The following CMSS1 variants were observed in gnomAD, a reference collection of about 807,000 sequenced individuals.
CMSS1 encodes the protein protein CMSS1.
In CMSS1, 33 loss-of-function variants were observed where a neutral mutation model predicts 43.5. The observed-to-expected ratio is 0.76, with a 90% CI of 0.57 to 1.01. CMSS1 has a LOEUF of 1.01. Among genes scored for constraint, CMSS1 ranks in the 50% least tolerant of loss-of-function variants. The probability of loss-of-function intolerance (pLI) is 0.00; values close to 1 mark genes in which losing one functional copy is unlikely to be tolerated. For missense variants in CMSS1, 313 were observed against 326.4 expected, an observed-to-expected ratio of 0.96 and a Z score of 0.32; for synonymous variants, 115 against 117.2, an observed-to-expected ratio of 0.98 and a Z score of 0.12.
intron 1 of CMSS1, among the ~76,000 whole-genome samples, chr3:100,124,656 A>G (rs567144019): frequency 4.6e-5 from 7 of 152,246 alleles, no homozygotes; most frequent in African/African-American, 1.7e-4. Flanking sequence ...TTGAACATCA[A>G]GGACATCCTA....
At chr3:99,972,657 C>G (rs1022830128) in intron 1 of CMSS1, among the ~76,000 whole-genome samples, 6 of 152,118 alleles carry the variant, frequency 3.9e-5, no homozygotes, top group African/African-American at 1.2e-4. Context: ...ATGTCACCAC[C>G]CTGTTGGGAA....
chr3:99,919,715 A>C (rs1299824463), intron 1 of CMSS1, among the ~76,000 whole-genome samples: 2 of 152,082 alleles, frequency 1.3e-5, no homozygotes, highest in Non-Finnish European at 2.9e-5. Context: ...TGCAGTCTGG[A>C]AAAATAGGCC....
chr3:100,048,040 G>C (rs1003466708), intron 1 of CMSS1, among the ~76,000 whole-genome samples: 8 of 152,138 alleles, frequency 5.3e-5, no homozygotes, highest in Non-Finnish European at 1.2e-4. Flanking sequence ...GTTTAAATTA[G>C]TAGTAAGGGA....
intron 1 of CMSS1, among the ~76,000 whole-genome samples, chr3:100,068,571 T>C (rs1327389712): frequency 6.6e-6 from 1 of 152,202 alleles, no homozygotes; most frequent in Non-Finnish European, 1.5e-5. Flanking sequence ...ATATAATACA[T>C]AGTATATGTA....
chr3:100,039,528 T>C (rs2065165322), intron 1 of CMSS1, among the ~76,000 whole-genome samples: 1 of 152,158 alleles, frequency 6.6e-6, no homozygotes, highest in African/African-American at 2.4e-5. Flanking sequence ...TTCAGTCTTA[T>C]AATATGCGGG....
chr3:99,952,502 G>A (rs1708206920), intron 1 of CMSS1, among the ~76,000 whole-genome samples: 1 of 152,120 alleles, frequency 6.6e-6, no homozygotes, highest in Non-Finnish European at 1.5e-5. Flanking sequence ...TTCATTCATG[G>A]TTGGCTTAGT....
At chr3:100,171,977 T>G in intron 7 of CMSS1, 78 bp downstream of exon 7, 1 of 1,038,048 alleles carries the variant, frequency 9.6e-7, no homozygotes, top group Non-Finnish European at 1.5e-6. Context: ...TCTCCTAATC[T>G]CCTTAGCACA....
intron 1 of CMSS1, among the ~76,000 whole-genome samples, chr3:99,905,670 A>C (rs1229331116): frequency 4.6e-5 from 7 of 152,196 alleles, no homozygotes; most frequent in Non-Finnish European, 1.0e-4. Flanking sequence ...CAACTCTGCC[A>C]CTAGCCTCCT....
chr3:100,007,015 C>T (rs1470973799), intron 1 of CMSS1, among the ~76,000 whole-genome samples: 1 of 152,176 alleles, frequency 6.6e-6, no homozygotes, highest in Non-Finnish European at 1.5e-5. Flanking sequence ...TCTTTCATTA[C>T]TTACTGGCTT....
intron 1 of CMSS1, among the ~76,000 whole-genome samples, chr3:99,924,021 C>T (rs1449359511): frequency 6.6e-6 from 1 of 152,220 alleles, no homozygotes; most frequent in Non-Finnish European, 1.5e-5. Flanking sequence ...AGGGGCCTAA[C>T]ATTTATGGTT....
intron 1 of CMSS1, among the ~76,000 whole-genome samples, chr3:99,982,183 T>G (rs1709143655): frequency 6.6e-6 from 1 of 152,080 alleles, no homozygotes; most frequent in Non-Finnish European, 1.5e-5. Flanking sequence ...TTAGTATATG[T>G]TTTTTTAATA....
chr3:99,983,446 GTATATATATATATGTGTGTATATATATA>G lies in CMSS1; in HGVS notation c.65-163513_65-163486del, dbSNP rs1193776858. 3.4e-5 allele frequency among the ~76,000 whole-genome samples: 3 copies of G among 87,810 alleles called. No homozygotes were observed. The East Asian group carries it at 7.4e-4, about 22-fold the overall frequency. 57.6% of individuals were successfully genotyped at this position (87,810 alleles called of 152,430 possible). ...TATGTATGTATGTATATATATGTAT[GTATATATATATATGTGTGTATATATATA>G]TATATATATATATATATATATATAT... On this transcript the variant is annotated intron_variant, in intron 1 of 9. Coordinates refer to ENST00000421999, the MANE Select transcript of CMSS1 (RefSeq NM_032359.4).
chr3:100,110,432 A>G (rs146398297), intron 1 of CMSS1, among the ~76,000 whole-genome samples: 12 of 152,182 alleles, frequency 7.9e-5, no homozygotes, highest in Middle Eastern at 3.4e-3. Context: ...CTGCATTCCA[A>G]TTTCCTAGTC....
chr3:99,999,418 G>A (rs550844188), intron 1 of CMSS1, among the ~76,000 whole-genome samples: 1 of 152,332 alleles, frequency 6.6e-6, no homozygotes, highest in South Asian at 2.1e-4. Flanking sequence ...GGATGGATGG[G>A]TGGGTGAGTG....
intron 1 of CMSS1, among the ~76,000 whole-genome samples, chr3:100,121,790 G>A (rs2066623849): frequency 1.3e-5 from 2 of 152,266 alleles, no homozygotes; most frequent in East Asian, 1.9e-4. Context: ...GGCCCCTGGT[G>A]TCACCTCAAT....
At position 100,150,206 on chromosome 3, in the gene CMSS1, C is replaced by T. The variant is rs1228070912; in HGVS notation, c.153+3145C>T. 2.6e-5 allele frequency among the ~76,000 whole-genome samples: 4 copies of T among 152,170 alleles called. No individual in the cohort carries two copies. In the East Asian group the frequency reaches 7.7e-4, roughly 29 times the overall value. On this transcript the variant is annotated intron_variant, in intron 2 of 9. Coordinates refer to ENST00000421999, the MANE Select transcript of CMSS1 (RefSeq NM_032359.4). ...GTTTACACGCATAGAACTTGAGTCT[C>T]CAGCTGGTTCGTAAGTCCCTTGGGG...
chr3:99,906,852 C>T (rs955807493), intron 1 of CMSS1, among the ~76,000 whole-genome samples: 2 of 152,138 alleles, frequency 1.3e-5, no homozygotes, highest in African/African-American at 4.8e-5. Context: ...TTGCCATTTT[C>T]CCCACCCATG....
intron 7 of CMSS1, 67 bp from the exon 8 acceptor site, chr3:100,172,249 T>C: frequency 7.3e-7 from 1 of 1,362,220 alleles, no homozygotes; most frequent in East Asian, 2.3e-5. Context: ...TAAAATGTTC[T>C]AAATTGGTGT....
intron 1 of CMSS1, among the ~76,000 whole-genome samples, chr3:99,984,947 A>T (rs1709287195): frequency 6.6e-6 from 1 of 152,190 alleles, no homozygotes; most frequent in South Asian, 2.1e-4. Context: ...TAAACTGAGG[A>T]TATTGCTCTT....
Sources: allele counts gnomAD v4.1 joint callset (sites outside exome capture counted in the v4.1 genomes callset), GRCh38; gene constraint gnomAD v4.1.1; transcripts MANE v1.5; gene names NCBI Gene and HGNC (gene_info 2026-07-23, HGNC 2026-07-21).